PTK2: variants seen among roughly 807,000 people sequenced by gnomAD.
PTK2 encodes the protein focal adhesion kinase 1.
In PTK2, 45 loss-of-function variants were observed where a neutral mutation model predicts 150.1. That is an observed-to-expected ratio of 0.30 (90% CI 0.24 to 0.38). The LOEUF (loss-of-function observed/expected upper bound fraction) is 0.38. Among genes scored for constraint, PTK2 ranks in the 10% least tolerant of loss-of-function variants. The pLI, the probability that PTK2 is intolerant of heterozygous loss-of-function variation, is 1.00. For synonymous variants in PTK2, 432 were observed against 449.2 expected (o/e 0.96, Z 0.48); for missense variants, 919 against 1,307.3 (o/e 0.70, Z 4.58).
chr8:140,827,746 G>A (rs183290748), intron 8 of PTK2, among the ~76,000 whole-genome samples: 6 of 152,222 alleles, frequency 3.9e-5, no homozygotes, highest in African/African-American at 7.2e-5. Flanking sequence ...ATGTTACTAC[G>A]TGCCAGGTAC....
chr8:140,882,428 G>GTA (rs2100149719), intron 3 of PTK2, among the ~76,000 whole-genome samples: 1 of 152,054 alleles, frequency 6.6e-6, no homozygotes, highest in Non-Finnish European at 1.5e-5. Flanking sequence ...GCCACTAAAG[G>GTA]TACCAGAATT....
intron 7 of PTK2, among the ~76,000 whole-genome samples, chr8:140,842,264 TA>T (rs1429097989): frequency 6.6e-6 from 1 of 151,982 alleles, no homozygotes; most frequent in African/African-American, 2.4e-5. Flanking sequence ...TGAAAATAAA[TA>T]AATTAAAAAT....
At chr8:140,894,326 G>A (rs765878571) in intron 2 of PTK2, among the ~76,000 whole-genome samples, 6 of 152,182 alleles carry the variant, frequency 3.9e-5, no homozygotes, top group South Asian at 2.1e-4. Context: ...CTAGACCAGT[G>A]AGAAATAAGT....
chr8:140,965,054 T>C (rs951899101), intron 1 of PTK2, among the ~76,000 whole-genome samples: 1 of 152,222 alleles, frequency 6.6e-6, no homozygotes, highest in Non-Finnish European at 1.5e-5. Context: ...TCATGTAATA[T>C]GAAGAGTGTC....
chr8:140,975,075 T>C (rs951374568), intron 1 of PTK2, among the ~76,000 whole-genome samples: 3 of 152,212 alleles, frequency 2.0e-5, no homozygotes, highest in South Asian at 2.1e-4. Flanking sequence ...TTCATTTATA[T>C]GTACAACATA....
intron 26 of PTK2, 30 bp from the exon 30 acceptor site, chr8:140,686,724 T>C (rs755497817): frequency 1.3e-6 from 2 of 1,586,542 alleles, no homozygotes; most frequent in African/African-American, 1.3e-5. Context: ...ATCAAAACAA[T>C]TTCATTTTTG....
intron 1 of PTK2, among the ~76,000 whole-genome samples, chr8:140,977,618 C>CAA (rs34732857): frequency 0.01 from 1,420 of 137,118 alleles, 20 homozygotes; most frequent in Non-Finnish European, 0.013. Context: ...CAAGACTGTC[C>CAA]AAAAAAAAAA....
chr8:140,826,483 T>C (rs1011843330), intron 8 of PTK2, among the ~76,000 whole-genome samples: 5 of 152,216 alleles, frequency 3.3e-5, no homozygotes, highest in Admixed American at 2.6e-4. Context: ...AAAAAGGGCA[T>C]GTGAGAAACC....
At chr8:140,783,802 C>A (rs537374347) in intron 14 of PTK2, among the ~76,000 whole-genome samples, 20 of 152,166 alleles carry the variant, frequency 1.3e-4, no homozygotes, top group African/African-American at 4.1e-4. Context: ...GCATGATAAA[C>A]AACTGAACCA....
intron 2 of PTK2, among the ~76,000 whole-genome samples, chr8:140,896,796 G>GGGGGT (rs1189550555): frequency 1.6e-5 from 2 of 127,774 alleles, no homozygotes; most frequent in East Asian, 2.2e-4. Context: ...AACGGGGGGG[G>GGGGGT]GGGGTGGGTA....
rs952309865 is a variant in PTK2 at position 140,791,467 on chromosome 8, A to G, written c.1124+1887T>C. ...AGACACTGCTGATGCTGTAGAGTGC[A>G]CTGTCCAAAGCTAGAGGTGCACTAG... On this transcript the variant is annotated intron_variant, in intron 13 of 31. Transcript: ENST00000522684. Among the ~76,000 whole-genome samples the G allele has an allele frequency of 2.0e-5, 3 of 152,346 alleles. No homozygotes were observed. In the East Asian group the frequency reaches 5.8e-4, roughly 29 times the overall value.
At chr8:140,860,813 G>C (rs1169036355) in intron 5 of PTK2, among the ~76,000 whole-genome samples, 6 of 151,884 alleles carry the variant, frequency 4.0e-5, no homozygotes, top group Non-Finnish European at 5.9e-5. Context: ...CCCTTTTTAT[G>C]ACTTTGGTAC....
At chr8:140,732,416 T>C (rs545450110) in intron 22 of PTK2, 5 of 416,320 alleles carry the variant, frequency 1.2e-5, no homozygotes, top group African/African-American at 8.7e-5. Flanking sequence ...AAATATGTAT[T>C]GGATACTTTT....
intron 22 of PTK2, among the ~76,000 whole-genome samples, chr8:140,727,548 G>A (rs1185085015): frequency 6.7e-6 from 1 of 149,828 alleles, no homozygotes; most frequent in Non-Finnish European, 1.5e-5. Context: ...CACCACCTTT[G>A]AAAGGAATTT....
At chr8:140,703,536 T>A (rs144542833) in intron 24 of PTK2, among the ~76,000 whole-genome samples, 7 of 152,328 alleles carry the variant, frequency 4.6e-5, no homozygotes, top group Non-Finnish European at 1.0e-4. Flanking sequence ...CACAAAAATG[T>A]CTGTGCCATA....
chr8:140,721,731 G>GCCA (rs2100043026), intron 22 of PTK2: 2 of 152,034 alleles, frequency 1.3e-5, no homozygotes, highest in African/African-American at 4.8e-5. Context: ...TCTTTATGTT[G>GCCA]TGTCTCTTGC....
intron 2 of PTK2, among the ~76,000 whole-genome samples, chr8:140,907,424 G>C (rs1054104478): frequency 6.6e-6 from 1 of 152,124 alleles, no homozygotes; most frequent in Non-Finnish European, 1.5e-5. Context: ...AAAAAGCTGA[G>C]TATTTGGGAG....
chr8:140,692,552 G>A (rs2100023798), intron 26 of PTK2, among the ~76,000 whole-genome samples: 1 of 152,134 alleles, frequency 6.6e-6, no homozygotes. Flanking sequence ...GGGAGGCGGA[G>A]GTTGCAGTGT....
intron 1 of PTK2, among the ~76,000 whole-genome samples, chr8:140,962,798 T>C (rs2100183818): frequency 6.7e-6 from 1 of 149,868 alleles, no homozygotes; most frequent in African/African-American, 2.4e-5. Flanking sequence ...AACCACAGAA[T>C]GTCCACCCTC....
Sources: gnomAD v4.1 joint callset for allele counts (sites outside exome capture counted in the v4.1 genomes callset) on GRCh38, gnomAD v4.1.1 for gene constraint, MANE v1.5 for transcripts, NCBI Gene and HGNC (gene_info 2026-07-23, HGNC 2026-07-21) for gene names.